Variants in ETS1 observed in about 807,000 individuals in gnomAD.
ETS1 encodes ETS proto-oncogene 1, transcription factor.
Under a neutral mutation model 58.6 loss-of-function variants are expected in ETS1, and 15 were observed. The ratio of observed to expected loss-of-function variants is 0.26; its 90% CI spans 0.17 to 0.39. The LOEUF (loss-of-function observed/expected upper bound fraction) is 0.39, where lower values mean the gene tolerates loss of function less well. Among genes scored for constraint, ETS1 ranks in the 10% least tolerant of loss-of-function variants. The probability of loss-of-function intolerance (pLI) is 1.00; values close to 1 mark genes in which losing one functional copy is unlikely to be tolerated. For synonymous variants in ETS1, 214 were observed against 218.2 expected (o/e 0.98, Z 0.17); for missense variants, 417 against 610.5 (o/e 0.68, Z 3.34).
intron 3 of ETS1, among the ~76,000 whole-genome samples, chr11:128,541,119 A>T (rs1864051488): frequency 6.6e-6 from 1 of 152,132 alleles, no homozygotes; most frequent in Non-Finnish European, 1.5e-5. Flanking sequence ...TCTCAACAGG[A>T]CCATCCCTCT....
chr11:128,574,584 G>A (rs1864704918), intron 1 of ETS1, among the ~76,000 whole-genome samples: 1 of 152,122 alleles, frequency 6.6e-6, no homozygotes, highest in Non-Finnish European at 1.5e-5. Flanking sequence ...CAAGAACAGT[G>A]AGTACCTATG....
At chr11:128,530,849 A>G (rs1863886049) in intron 3 of ETS1, among the ~76,000 whole-genome samples, 1 of 152,252 alleles carries the variant, frequency 6.6e-6, no homozygotes, top group Non-Finnish European at 1.5e-5. Flanking sequence ...ATTCCACAGC[A>G]TTGAGAGAGA....
chr11:128,474,235 G>C (rs1397999322), intron 8 of ETS1, among the ~76,000 whole-genome samples: 2 of 152,144 alleles, frequency 1.3e-5, no homozygotes, highest in Non-Finnish European at 2.9e-5. Context: ...AGGATGTATT[G>C]TACAGTATGA....
At chr11:128,493,456 C>T (rs1001810669) in intron 3 of ETS1, among the ~76,000 whole-genome samples, 15 of 152,252 alleles carry the variant, frequency 9.9e-5, no homozygotes, top group African/African-American at 3.4e-4. Context: ...TCTCCACAAG[C>T]CCAGTCCACG....
intron 3 of ETS1, among the ~76,000 whole-genome samples, chr11:128,525,045 T>C (rs1033393439): frequency 3.9e-5 from 6 of 151,912 alleles, no homozygotes; most frequent in Non-Finnish European, 8.8e-5. Context: ...AAAAAATCAA[T>C]CAAATAAATA....
At chr11:128,564,862 G>A (rs1055500603) in intron 2 of ETS1, among the ~76,000 whole-genome samples, 20 of 151,942 alleles carry the variant, frequency 1.3e-4, no homozygotes, top group South Asian at 2.1e-4. Flanking sequence ...GCCATGGCCA[G>A]AAGACTATCC....
intron 2 of ETS1, among the ~76,000 whole-genome samples, chr11:128,558,722 CT>C (rs2135560280): frequency 6.8e-6 from 1 of 147,108 alleles, no homozygotes; most frequent in Admixed American, 6.8e-5. Context: ...TGTTTCCTTA[CT>C]TTTGGCTTCA....
At chr11:128,510,261 A>C (rs1179243098) in intron 3 of ETS1, among the ~76,000 whole-genome samples, 1 of 152,200 alleles carries the variant, frequency 6.6e-6, no homozygotes, top group Admixed American at 6.5e-5. Flanking sequence ...CTAAATGTGA[A>C]CTCATTAACT....
At chr11:128,483,656 G>T (rs917234700) in intron 7 of ETS1, among the ~76,000 whole-genome samples, 1 of 152,214 alleles carries the variant, frequency 6.6e-6, no homozygotes, top group Non-Finnish European at 1.5e-5. Context: ...TCCCTCTGCA[G>T]GGCTTGTTGG....
intron 3 of ETS1, among the ~76,000 whole-genome samples, chr11:128,503,676 C>T (rs188045550): frequency 2.0e-4 from 30 of 152,302 alleles, no homozygotes; most frequent in African/African-American, 7.2e-4. Flanking sequence ...GACTCCTCCC[C>T]TATCCCCTGC....
intron 3 of ETS1, among the ~76,000 whole-genome samples, chr11:128,497,772 CTCCTCCACCA>C: frequency 6.6e-6 from 1 of 152,334 alleles, no homozygotes; most frequent in East Asian, 1.9e-4. Flanking sequence ...TCTTTCCTAC[CTCCTCCACCA>C]TCCTCCACCT....
intron 2 of ETS1, among the ~76,000 whole-genome samples, chr11:128,560,863 G>T (rs992200981): frequency 1.3e-5 from 2 of 152,098 alleles, no homozygotes; most frequent in African/African-American, 2.4e-5. Flanking sequence ...AGGGGGAGGG[G>T]AATAGCAGCA....
Position 128,486,707 on chromosome 11 carries a change from T to G in ETS1, c.536-561A>C, listed in dbSNP as rs776875486. ...ACACTGGTAAGGTGACTCCATTTGG[T>G]GAAATGCGACTGCGCTTGTGTCAAG... is the stretch of plus-strand genomic sequence containing the variant. On this transcript the variant is annotated intron_variant, in intron 5 of 9. Transcript: ENST00000392668. Among the ~76,000 whole-genome samples, 98 of 152,228 alleles carry G rather than the reference T, an allele frequency of 6.4e-4. 1 individual carries two copies. Among genetic ancestry groups the G allele is most frequent in the Non-Finnish European group, 1.2e-3 (85 of 68,010 alleles).
rs575265210 is a variant in ETS1 at position 128,463,425 on chromosome 11, C to T, written c.1242+84G>A. 2.7e-5 allele frequency: 22 copies of T among 800,962 alleles called. No individual in the cohort carries two copies. The highest frequency in any genetic ancestry group is 3.9e-5 in the Non-Finnish European group (18 of 460,822). 49.6% of individuals were successfully genotyped at this position (800,962 alleles called of 1,614,324 possible). ...AGCTGGGAATCCCAATCCTGGAACA[C>T]GTCATTCAGGCCCACGCCACCCCTT... On this transcript the variant is annotated intron_variant, in intron 9 of 9. Transcript: ENST00000392668. The surrounding 1 kb of genome is among the most constrained non-coding windows in gnomAD (Gnocchi z 4.1).
At chr11:128,521,986 CGCCTTCATGGT>C in intron 3 of ETS1, 1 of 1,595,188 alleles carries the variant, frequency 6.3e-7, no homozygotes, top group South Asian at 1.1e-5. Context: ...GATCGACGGC[CGCCTTCATGGT>C]GCCAGGAGTG....
In ETS1 at chr11:128,489,404, T is replaced by C; in HGVS notation, c.421A>G (p.Lys141Glu). ...AGGGCTGCTCCATTCATACAGAACT[T>C]CTGGAAGTCTACACCTTTCAGGCTG... ...EFSLKGVDFQ[K>E]FCMNGAALCA... is the part of the protein sequence containing the mutation. The change falls in exon 5 of 10, where the codon AAG becomes GAG. Residue 141 changes from lysine to glutamate, a missense_variant. Physicochemically the swap from Lys to Glu is moderately conservative, Grantham distance 56. Coordinates refer to ENST00000392668, the MANE Select transcript of ETS1 (RefSeq NM_001143820.2). 1.2e-6 allele frequency: 2 copies of C among 1,614,134 alleles called. No homozygotes were observed. Among genetic ancestry groups the C allele is most frequent in the Non-Finnish European group, 1.7e-6 (2 of 1,179,996 alleles).
At chr11:128,513,314 G>T (rs1863438623) in intron 3 of ETS1, among the ~76,000 whole-genome samples, 3 of 152,208 alleles carry the variant, frequency 2.0e-5, no homozygotes, top group Admixed American at 2.0e-4. Context: ...ACTGTTAGGA[G>T]AAATCTGACA....
intron 3 of ETS1, among the ~76,000 whole-genome samples, chr11:128,514,702 C>T (rs57272204): frequency 0.024 from 3,663 of 152,220 alleles, 151 homozygotes; most frequent in African/African-American, 0.084. Flanking sequence ...CCAGGGAAGA[C>T]TTCATCTGAG....
chr11:128,522,773 G>C (rs1447044844), intron 3 of ETS1, among the ~76,000 whole-genome samples: 1 of 152,248 alleles, frequency 6.6e-6, no homozygotes, highest in Non-Finnish European at 1.5e-5. Context: ...CATTCACAAA[G>C]ACTGACACAC....
Sources: allele counts gnomAD v4.1 joint callset (sites outside exome capture counted in the v4.1 genomes callset), GRCh38; gene constraint gnomAD v4.1.1; non-coding constraint Gnocchi (gnomAD v3.1); transcripts MANE v1.5; gene names NCBI Gene and HGNC (gene_info 2026-07-23, HGNC 2026-07-21).